The following FNTA variants were observed in gnomAD, a reference collection of about 807,000 sequenced individuals.
FNTA encodes the protein farnesyltransferase, CAAX box, subunit alpha, also known as protein farnesyltransferase/geranylgeranyltransferase type-1 subunit alpha.
FNTA carries 27 observed loss-of-function variants against 55.2 expected under a neutral mutation model. The observed-to-expected ratio is 0.49, with a 90% CI of 0.36 to 0.67. The LOEUF is 0.67. Ranked by LOEUF, FNTA falls within the 30% of genes least tolerant of loss-of-function variation. The pLI is 0.00. For missense variants in FNTA, 422 were observed against 464.7 expected (o/e 0.91, Z 0.85); for synonymous variants, 176 against 170.7 (o/e 1.03, Z -0.24).
intron 2 of FNTA, chr8:43,063,335 T>A (rs1810580596): frequency 3.7e-5 from 17 of 455,606 alleles, no homozygotes; most frequent in South Asian, 2.6e-4. Context: ...CCTGCCTCAG[T>A]CTTTTGTTTG....
At chr8:43,084,685 C>A in intron 7 of FNTA, 25 bp from the exon 8 acceptor site, 1 of 1,557,058 alleles carries the variant, frequency 6.4e-7, no homozygotes, top group Non-Finnish European at 8.7e-7. Context: ...AAAATCAAGT[C>A]TTTGTTTTTT....
At chr8:43,071,828 T>G (rs1212816174) in intron 4 of FNTA, among the ~76,000 whole-genome samples, 5 of 152,194 alleles carry the variant, frequency 3.3e-5, no homozygotes, top group Non-Finnish European at 1.5e-5. Flanking sequence ...TGATGACACT[T>G]TGCACTTAGG....
intron 1 of FNTA, 22 bp from the exon 2 acceptor site, chr8:43,059,070 G>A: frequency 4.4e-6 from 7 of 1,589,380 alleles, no homozygotes; most frequent in Non-Finnish European, 6.0e-6. Flanking sequence ...GTAACCACTG[G>A]TTGGGGAATG....
intron 2 of FNTA, among the ~76,000 whole-genome samples, chr8:43,062,173 A>ACG (rs1554519391): frequency 6.7e-6 from 1 of 148,904 alleles, no homozygotes; most frequent in African/African-American, 2.5e-5. Context: ...TGTATGTTTT[A>ACG]TGTGTGTGTG....
At chr8:43,066,982 A>G (rs968943320) in intron 3 of FNTA, among the ~76,000 whole-genome samples, 1 of 152,146 alleles carries the variant, frequency 6.6e-6, no homozygotes, top group Non-Finnish European at 1.5e-5. Context: ...TAGGATACCA[A>G]CTTTTTGCTT....
At position 43,056,668 on chromosome 8, in the gene FNTA, C is replaced by T. The variant is rs1810409610; in HGVS notation, c.200+122C>T. 1.6e-5 allele frequency: 9 copies of T among 564,324 alleles called. No individual in the cohort carries two copies. In the East Asian group the frequency reaches 3.4e-4, roughly 21 times the overall value. The allele number at this position is 564,324 out of a possible 1,614,324, so 35.0% of individuals were successfully genotyped here. A position where few individuals can be genotyped will look rare whatever the true frequency, so the allele number is the denominator to read the frequency against. ...CGAAGTTCCCGTGGCGCCGCGTGGGCCGGTGCATGGCGCTGGGCCCGGGCG... is the reference window on the plus strand; with the variant it reads ...CGAAGTTCCCGTGGCGCCGCGTGGGTCGGTGCATGGCGCTGGGCCCGGGCG... On this transcript the variant is annotated intron_variant, in intron 1 of 8. Coordinates refer to ENST00000302279, the MANE Select transcript of FNTA (RefSeq NM_002027.3).
In FNTA at chr8:43,085,190, A is replaced by G; in HGVS notation, c.1048A>G (p.Thr350Ala). Reference sequence around the variant, plus strand: ...TGAAATCCTAGCTAAAGAAAAGGACACTATAAGAAAGGAATATTGGAGATA... The same window carrying G: ...TGAAATCCTAGCTAAAGAAAAGGACGCTATAAGAAAGGAATATTGGAGATA... ...LCEILAKEKD[T>A]IRKEYWRYIG... is the part of the protein sequence containing the mutation. Residue 350 changes from threonine (T) to alanine (A), a missense_variant, in exon 9 of 9, where the codon ACT becomes GCT. Physicochemically the swap from Thr to Ala is moderately conservative, Grantham distance 58 (BLOSUM62 0). This residue lies in a region of FNTA where 262 missense variants were observed against 343.1 expected (regional missense o/e 0.76). Transcript: ENST00000302279. 1 of 1,569,992 alleles carries G rather than the reference A, an allele frequency of 6.4e-7. No homozygotes were observed. The highest frequency in any genetic ancestry group is 8.7e-7 in the Non-Finnish European group (1 of 1,151,246).
intron 3 of FNTA, among the ~76,000 whole-genome samples, chr8:43,066,903 G>A (rs1390665035): frequency 1.3e-5 from 2 of 152,172 alleles, no homozygotes; most frequent in Admixed American, 6.6e-5. Flanking sequence ...ATTGCCTAAG[G>A]AGTGTACATT....
rs753013245 is a variant in FNTA, at chr8:43,077,364, A to G, written c.782A>G (p.Gln261Arg). ...CGTGCTGTATTGGAGAGAGAAGTCC[A>G]GTTAGTAATCTCCTTCACTTGCTCA... ...NDRAVLEREVQYTLEMIKLVP... is the reference protein window; with the variant it reads ...NDRAVLEREVRYTLEMIKLVP... Residue 261 changes from glutamine to arginine, a missense_variant and splice_region_variant, in exon 6 of 9, where the codon CAA becomes CGA. Gln to Arg is a conservative substitution (Grantham distance 43, BLOSUM62 1). This residue lies in a region of FNTA where 262 missense variants were observed against 343.1 expected (regional missense o/e 0.76). Transcript: ENST00000302279. 9 of 1,602,542 alleles carry G rather than the reference A, an allele frequency of 5.6e-6. No individual in the cohort carries two copies. The highest frequency in any genetic ancestry group is 1.3e-5 in the African/African-American group (1 of 74,488).
chr8:43,077,537 T>C (rs996964447), intron 6 of FNTA, 173 bp downstream of exon 6: 2 of 404,344 alleles, frequency 4.9e-6, no homozygotes, highest in Non-Finnish European at 8.7e-6. Flanking sequence ...ATACTTCTAC[T>C]TCATTGTATC....
chr8:43,066,287 C>T (rs1185608454), intron 3 of FNTA, among the ~76,000 whole-genome samples: 10 of 148,930 alleles, frequency 6.7e-5, no homozygotes, highest in African/African-American at 1.5e-4. Flanking sequence ...GACAGAGTCT[C>T]GCTCAGTTGC....
chr8:43,059,297 A>G, intron 2 of FNTA, 120 bp downstream of exon 2: 1 of 660,054 alleles, frequency 1.5e-6, no homozygotes. Flanking sequence ...GAATGACTTA[A>G]GATGAGTTAA....
chr8:43,071,029 G>A (rs1457968227), intron 4 of FNTA, among the ~76,000 whole-genome samples: 1 of 152,132 alleles, frequency 6.6e-6, no homozygotes, highest in African/African-American at 2.4e-5. Context: ...GTAGTATCTT[G>A]TCTTAATCTG....
At position 43,059,175 on chromosome 8, in the gene FNTA, A is replaced by C; in HGVS notation, c.284A>C (p.Lys95Thr). The change falls in exon 2 of 9, where the codon AAA becomes ACA. Residue 95 changes from lysine (K) to threonine (T), a missense_variant and splice_region_variant. By Grantham distance (78) the Lys-to-Thr change is moderately conservative (BLOSUM62 -1). This residue lies in a region of FNTA where 262 missense variants were observed against 343.1 expected (regional missense o/e 0.76). Transcript: ENST00000302279. ...NPVVQIIYSD[K>T]FRDVYDYFRA... ...GTGGTCCAGATCATTTATAGTGACA[A>C]ATGTAAGTTTGTTTATATTAGGAAA... 1 of 1,608,062 alleles carries C rather than the reference A, an allele frequency of 6.2e-7. No individual in the cohort carries two copies. The highest frequency in any genetic ancestry group is 2.2e-5 in the East Asian group (1 of 44,788).
chr8:43,056,543 A>G lies in FNTA; in HGVS notation c.197A>G (p.Tyr66Cys). The change falls in exon 1 of 9, where the codon TAC (tyrosine) becomes TGC (cysteine). Residue 66 changes from tyrosine (Y) to cysteine (C), a missense_variant. By Grantham distance (194) the Tyr-to-Cys change is radical (BLOSUM62 -2). Coordinates refer to ENST00000302279, the MANE Select transcript of FNTA (RefSeq NM_002027.3). ...CTGGACTCGCCCTCCTATGTCCTGT[A>G]CAGGTAACGCCCCCGCGGCGGCCGC... ...VSLDSPSYVL[Y>C]RDRAEWADID... 5.4e-6 allele frequency: 8 copies of G among 1,479,832 alleles called. No homozygotes were observed. Among genetic ancestry groups the G allele is most frequent in the Middle Eastern group, 1.8e-4 (1 of 5,684 alleles). 91.7% of individuals were successfully genotyped at this position (1,479,832 alleles called of 1,614,324 possible). A position where few individuals can be genotyped will look rare whatever the true frequency, so the allele number is the denominator to read the frequency against.
rs547469654 is a variant in FNTA at position 43,060,946 on chromosome 8, T to G, written c.286+1769T>G. ...TTAATCAAAAAATGGACAAAGGGTA[T>G]GAACTGGCAATTCACAGAAAAGAAA... On this transcript the variant is annotated intron_variant, in intron 2 of 8. Coordinates refer to ENST00000302279, the MANE Select transcript of FNTA (RefSeq NM_002027.3). Among the ~76,000 whole-genome samples the G allele has an allele frequency of 2.0e-5, 3 of 152,252 alleles. No homozygotes were observed. The South Asian group carries it at 6.2e-4, about 32-fold the overall frequency.
At chr8:43,071,979 C>T (rs1239947077) in intron 4 of FNTA, among the ~76,000 whole-genome samples, 1 of 152,114 alleles carries the variant, frequency 6.6e-6, no homozygotes. Context: ...AAAGATACTA[C>T]CAGATGTAGT....
chr8:43,071,045 C>T (rs961101442), intron 4 of FNTA, among the ~76,000 whole-genome samples: 4 of 152,248 alleles, frequency 2.6e-5, no homozygotes, highest in East Asian at 1.9e-4. Context: ...ATCTGTAAGA[C>T]GAATTTTTTA....
intron 4 of FNTA, 57 bp downstream of exon 4, chr8:43,069,716 C>A: frequency 9.9e-7 from 1 of 1,013,740 alleles, no homozygotes; most frequent in Non-Finnish European, 1.5e-6. Flanking sequence ...ATGACCTCGG[C>A]TCACTGCAGC....
Sources: allele counts gnomAD v4.1 joint callset (sites outside exome capture counted in the v4.1 genomes callset), GRCh38; gene constraint gnomAD v4.1.1; regional missense constraint gnomAD v4.1.1; transcripts MANE v1.5; gene names NCBI Gene and HGNC (gene_info 2026-07-23, HGNC 2026-07-21).